Variants in PRKG1 observed in about 807,000 individuals in gnomAD.
PRKG1 encodes cGMP-dependent protein kinase 1.
PRKG1 carries 35 observed loss-of-function variants against 88.1 expected under a neutral mutation model. The ratio of observed to expected loss-of-function variants is 0.40; its 90% CI spans 0.30 to 0.53. The LOEUF is 0.53. PRKG1 is among the 20% of genes least tolerant of loss of function. The probability of loss-of-function intolerance (pLI) is 0.59; values close to 1 mark genes in which losing one functional copy is unlikely to be tolerated. For synonymous variants in PRKG1, 303 were observed against 292.5 expected, an observed-to-expected ratio of 1.04 and a Z score of -0.37; for missense variants, 540 against 839.8, an observed-to-expected ratio of 0.64 and a Z score of 4.41.
At chr10:51,346,998 C>T (rs563199649) in intron 2 of PRKG1, among the ~76,000 whole-genome samples, 5 of 152,188 alleles carry the variant, frequency 3.3e-5, no homozygotes, top group East Asian at 1.9e-4. Flanking sequence ...ATGATGTTGC[C>T]GAGGACCTGG....
At chr10:51,789,378 C>T (rs141722846) in intron 3 of PRKG1, among the ~76,000 whole-genome samples, 92 of 152,260 alleles carry the variant, frequency 6.0e-4, no homozygotes, top group African/African-American at 2.0e-3. Flanking sequence ...AGCTTTTGAC[C>T]GAATCTCAAA....
At chr10:51,665,382 C>T (rs560407373) in intron 3 of PRKG1, among the ~76,000 whole-genome samples, 13 of 152,034 alleles carry the variant, frequency 8.6e-5, no homozygotes, top group East Asian at 1.9e-4. Context: ...TTCAAAAATC[C>T]GTCTTAGTTA....
intron 5 of PRKG1, among the ~76,000 whole-genome samples, chr10:51,935,790 T>A (rs968842532): frequency 1.3e-5 from 2 of 152,174 alleles, no homozygotes; most frequent in African/African-American, 4.8e-5. Flanking sequence ...CTTTACAAGC[T>A]ATGAGTCTTC....
chr10:51,652,762 A>G (rs745658778), intron 3 of PRKG1, among the ~76,000 whole-genome samples: 1 of 152,128 alleles, frequency 6.6e-6, no homozygotes, highest in Non-Finnish European at 1.5e-5. Context: ...TACTTTAGCA[A>G]TTTTGAAATA....
At chr10:51,544,578 G>C (rs1223320628) in intron 3 of PRKG1, among the ~76,000 whole-genome samples, 6 of 151,988 alleles carry the variant, frequency 3.9e-5, no homozygotes, top group Non-Finnish European at 8.8e-5. Flanking sequence ...CCCAGTAATG[G>C]GATGGCTGGG....
intron 2 of PRKG1, among the ~76,000 whole-genome samples, chr10:51,167,354 T>C (rs769865997): frequency 2.7e-4 from 41 of 152,174 alleles, no homozygotes; most frequent in Non-Finnish European, 5.3e-4. Flanking sequence ...ACGGAAAAGT[T>C]TGACACATTA....
At chr10:52,195,801 T>C (rs1266357748) in intron 9 of PRKG1, among the ~76,000 whole-genome samples, 1 of 152,138 alleles carries the variant, frequency 6.6e-6, no homozygotes. Context: ...TATTTATGGA[T>C]TAATTATCCT....
intron 5 of PRKG1, among the ~76,000 whole-genome samples, chr10:51,996,678 G>C (rs1365786901): frequency 6.6e-6 from 1 of 152,110 alleles, no homozygotes; most frequent in Non-Finnish European, 1.5e-5. Flanking sequence ...CTTGGACACT[G>C]TTTGTGAGAA....
At chr10:52,199,041 C>G (rs1564513315) in intron 9 of PRKG1, among the ~76,000 whole-genome samples, 1 of 152,114 alleles carries the variant, frequency 6.6e-6, no homozygotes, top group East Asian at 1.9e-4. Flanking sequence ...TGAACACACC[C>G]AAGATGACAT....
chr10:52,284,328 A>T (rs572755506), intron 14 of PRKG1, among the ~76,000 whole-genome samples: 1 of 152,036 alleles, frequency 6.6e-6, no homozygotes, highest in Admixed American at 6.6e-5. Context: ...TTTTTACCAT[A>T]AATATATATA....
At chr10:51,211,755 A>C (rs956499374) in intron 2 of PRKG1, among the ~76,000 whole-genome samples, 2 of 152,222 alleles carry the variant, frequency 1.3e-5, no homozygotes, top group Admixed American at 6.5e-5. Flanking sequence ...AATCCAACTT[A>C]CGAGGGATGT....
chr10:52,171,679 A>G (rs1838680440), intron 9 of PRKG1, among the ~76,000 whole-genome samples: 1 of 151,658 alleles, frequency 6.6e-6, no homozygotes, highest in Admixed American at 6.6e-5. Flanking sequence ...TCAAAATCCA[A>G]TGCTCTTTCA....
At chr10:50,994,557 T>C (rs924867628) in intron 1 of PRKG1, among the ~76,000 whole-genome samples, 1 of 152,026 alleles carries the variant, frequency 6.6e-6, no homozygotes, top group African/African-American at 2.4e-5. Flanking sequence ...ACCTGTTTTT[T>C]GTAAAAGGCT....
intron 1 of PRKG1, among the ~76,000 whole-genome samples, chr10:51,033,519 T>C (rs1156832269): frequency 6.6e-6 from 1 of 152,176 alleles, no homozygotes; most frequent in Non-Finnish European, 1.5e-5. Flanking sequence ...CAGGAATCAG[T>C]TTCATCCCTT....
At chr10:51,659,961 A>G (rs1840254554) in intron 3 of PRKG1, among the ~76,000 whole-genome samples, 1 of 152,058 alleles carries the variant, frequency 6.6e-6, no homozygotes, top group African/African-American at 2.4e-5. Context: ...GACCTACTGA[A>G]TCAGAATATA....
At chr10:51,048,661 AC>A (rs1843520894) in intron 1 of PRKG1, among the ~76,000 whole-genome samples, 1 of 152,164 alleles carries the variant, frequency 6.6e-6, no homozygotes, top group Non-Finnish European at 1.5e-5. Context: ...GGTTCAAGAG[AC>A]TAAAAGCATT....
chr10:51,570,710 C>G (rs1282419906), intron 3 of PRKG1, among the ~76,000 whole-genome samples: 4 of 151,558 alleles, frequency 2.6e-5, no homozygotes, highest in Non-Finnish European at 5.9e-5. Context: ...AAAAAAATCC[C>G]TAAGTATCCT....
intron 9 of PRKG1, among the ~76,000 whole-genome samples, chr10:52,180,606 G>A (rs1838992353): frequency 6.6e-6 from 1 of 152,162 alleles, no homozygotes; most frequent in Non-Finnish European, 1.5e-5. Context: ...GTAGTTTAGT[G>A]CAGCAGTGTA....
At chr10:51,153,045 G>T (rs908887277) in intron 1 of PRKG1, 119 bp from the exon 2 acceptor site, 1 of 595,960 alleles carries the variant, frequency 1.7e-6, no homozygotes, top group Non-Finnish European at 2.5e-6. Flanking sequence ...AAAATTATTG[G>T]ATTCCTAACA....
Sources: gnomAD v4.1 joint callset for allele counts (sites outside exome capture counted in the v4.1 genomes callset) on GRCh38, gnomAD v4.1.1 for gene constraint, MANE v1.5 for transcripts, NCBI Gene and HGNC (gene_info 2026-07-23, HGNC 2026-07-21) for gene names.